The following CELF2 variants were observed in gnomAD, a reference collection of about 807,000 sequenced individuals.
The protein encoded by CELF2 is CUGBP Elav-like family member 2.
A neutral mutation model predicts 62.6 loss-of-function variants in CELF2; 8 were observed. That is an observed-to-expected ratio of 0.13 (90% CI 0.07 to 0.23). The LOEUF (loss-of-function observed/expected upper bound fraction) is 0.23, where lower values mean the gene tolerates loss of function less well. Ranked by LOEUF, CELF2 falls within the 10% of genes least tolerant of loss-of-function variation. The probability of loss-of-function intolerance (pLI) is 1.00; values close to 1 mark genes in which losing one functional copy is unlikely to be tolerated. For missense variants in CELF2, 333 were observed against 671.0 expected, an observed-to-expected ratio of 0.50 and a Z score of 5.56; for synonymous variants, 258 against 250.0, an observed-to-expected ratio of 1.03 and a Z score of -0.30.
At chr10:10,509,834 A>G in the CELF2 span, among the ~76,000 whole-genome samples, 2 of 152,288 alleles carry the variant, frequency 1.3e-5, no homozygotes, top group African/African-American at 4.8e-5. Flanking sequence ...CAGTACATTG[A>G]GGGTGAATTC....
the CELF2 span, among the ~76,000 whole-genome samples, chr10:10,705,793 AT>A: frequency 6.6e-6 from 1 of 152,214 alleles, no homozygotes; most frequent in Admixed American, 6.5e-5. Context: ...CAGGAGGCCC[AT>A]TCACCTGTAG....
chr10:10,551,039 T>C, the CELF2 span, among the ~76,000 whole-genome samples: 1 of 152,206 alleles, frequency 6.6e-6, no homozygotes, highest in African/African-American at 2.4e-5. Flanking sequence ...GTCTGAGCAC[T>C]TTATTTCCAC....
chr10:10,751,729 G>T, the CELF2 span, among the ~76,000 whole-genome samples: 1 of 152,068 alleles, frequency 6.6e-6, no homozygotes, highest in Admixed American at 6.5e-5. Flanking sequence ...CACAAATCTC[G>T]TACTGCTTTG....
At chr10:11,323,064 CTGAAACAACATGTTT>C in intron 11 of CELF2, among the ~76,000 whole-genome samples, 1 of 152,198 alleles carries the variant, frequency 6.6e-6, no homozygotes, top group South Asian at 2.1e-4. Context: ...AGTCTGGGCC[CTGAAACAACATGTTT>C]CGAAACAACA....
chr10:11,189,414 T>C (rs1032949492), intron 2 of CELF2, among the ~76,000 whole-genome samples: 1 of 152,260 alleles, frequency 6.6e-6, no homozygotes, highest in Non-Finnish European at 1.5e-5. Flanking sequence ...CTCTACCTTT[T>C]AATTGGAGTG....
In CELF2 at chr10:11,223,236, G is replaced by A. The variant is rs2065436874; in HGVS notation, c.354+5729G>A. On this transcript the variant is annotated intron_variant, in intron 3 of 12. Coordinates refer to ENST00000633077, the MANE Select transcript of CELF2 (RefSeq NM_001326342.2). The surrounding 1 kb of genome is among the most constrained non-coding windows in gnomAD (Gnocchi z 5.1). The stretch of plus-strand genomic sequence containing the variant: ...AGCATCCTCACAGTCAGGCCTGAGC[G>A]GGGCACTGCCTGAGGAGCTTCCTGA... Among the ~76,000 whole-genome samples the A allele has an allele frequency of 6.6e-6, 1 of 152,220 alleles. No homozygotes were observed. Among genetic ancestry groups the A allele is most frequent in the African/African-American group, 2.4e-5 (1 of 41,452 alleles).
intron 2 of CELF2, among the ~76,000 whole-genome samples, chr10:10,967,176 C>T (rs1393348961): frequency 2.0e-5 from 3 of 152,120 alleles, no homozygotes; most frequent in East Asian, 3.9e-4. Context: ...GGGAGGGAGG[C>T]ACAGAGACAG....
At chr10:11,304,803 C>T (rs1346903795) in intron 9 of CELF2, among the ~76,000 whole-genome samples, 4 of 152,204 alleles carry the variant, frequency 2.6e-5, no homozygotes, top group African/African-American at 7.2e-5. Flanking sequence ...ATAGCACATT[C>T]CATCTACAAT....
chr10:11,319,721 A>G lies in CELF2; in HGVS notation c.1097-1468A>G. 1 of 467,720 alleles carries G rather than the reference A, an allele frequency of 2.1e-6. No homozygotes were observed. The highest frequency in any genetic ancestry group is 4.4e-6 in the Non-Finnish European group (1 of 225,068). 29.0% of individuals were successfully genotyped at this position (467,720 alleles called of 1,614,324 possible). A position where few individuals can be genotyped will look rare whatever the true frequency, so the allele number is the denominator to read the frequency against. ...CCCCTGCTTGGTGTCTGTTCTGAGA[A>G]GCACAGGAATACCCGAGGTGAGGCA... On this transcript the variant is annotated intron_variant, in intron 10 of 12. Coordinates refer to ENST00000633077, the MANE Select transcript of CELF2 (RefSeq NM_001326342.2). This position sits in a 1 kb window ranked among gnomAD's most constrained non-coding sequence, Gnocchi z 4.4.
chr10:11,328,716 CCAGTCCAGCCA>C lies in CELF2; in HGVS notation c.1439-209_1439-199del, dbSNP rs1667248110. 6.6e-6 allele frequency among the ~76,000 whole-genome samples: 1 copy of C among 152,190 alleles called. No homozygotes were observed. Among genetic ancestry groups the C allele is most frequent in the South Asian group, 2.1e-4 (1 of 4,830 alleles). ...GTGTGTGCTCCATGATGCCACATTT[CCAGTCCAGCCA>C]GCTGCTCCACAGCTGCTCAGTGGGC... On this transcript the variant is annotated intron_variant, in intron 12 of 12. Transcript: ENST00000633077. This position sits in a 1 kb window ranked among gnomAD's most constrained non-coding sequence, Gnocchi z 6.4.
Position 11,165,255 on chromosome 10 carries a change from C to T in CELF2, c.75-231C>T, listed in dbSNP as rs556157327. On this transcript the variant is annotated intron_variant, in intron 1 of 12. Coordinates refer to ENST00000633077, the MANE Select transcript of CELF2 (RefSeq NM_001326342.2). The surrounding 1 kb of genome is among the most constrained non-coding windows in gnomAD (Gnocchi z 7.4). ...GGCGGCAGGGCGCTGCCCCGTGCTC[C>T]CCCGGCTCTGCTCGACAGCAGCACG... 42 of 1,371,302 alleles carry T rather than the reference C, an allele frequency of 3.1e-5. No homozygotes were observed. In the South Asian group the frequency reaches 4.1e-4, roughly 13 times the overall value. 84.9% of individuals were successfully genotyped at this position (1,371,302 alleles called of 1,614,324 possible).
At chr10:11,079,305 C>T (rs1233734196) in intron 1 of CELF2, among the ~76,000 whole-genome samples, 7 of 152,116 alleles carry the variant, frequency 4.6e-5, no homozygotes, top group Admixed American at 3.9e-4. Context: ...ATCTGTAGAC[C>T]TTGGTTTTAG....
intron 1 of CELF2, among the ~76,000 whole-genome samples, chr10:11,072,145 C>T (rs1413788554): frequency 2.6e-5 from 4 of 152,154 alleles, no homozygotes; most frequent in Non-Finnish European, 4.4e-5. Flanking sequence ...GAGCAACATT[C>T]TTTTGTCGTT....
the CELF2 span, among the ~76,000 whole-genome samples, chr10:10,642,020 G>T: frequency 6.6e-6 from 1 of 152,118 alleles, no homozygotes; most frequent in Admixed American, 6.5e-5. Flanking sequence ...TATTCTGAGT[G>T]CCTAGTGAGT....
At chr10:10,837,474 T>C (rs941199557) in intron 1 of CELF2, among the ~76,000 whole-genome samples, 1 of 152,236 alleles carries the variant, frequency 6.6e-6, no homozygotes, top group African/African-American at 2.4e-5. Flanking sequence ...ACAACTGCTG[T>C]GATCTTTTCA....
At position 10,928,890 on chromosome 10, in the gene CELF2, C is replaced by G. The variant is rs776379701; in HGVS notation, c.89+8891C>G. Among the ~76,000 whole-genome samples the G allele has an allele frequency of 2.6e-5, 4 of 151,978 alleles. No individual in the cohort carries two copies. The highest frequency in any genetic ancestry group is 2.1e-4 in the South Asian group (1 of 4,790). On this transcript the variant is annotated intron_variant, in intron 2 of 13. Transcript: ENST00000636488. The surrounding 1 kb of genome is among the most constrained non-coding windows in gnomAD (Gnocchi z 4.8). ...AGCAGTGCCTGGAACATAGTAGGCA[C>G]GAATAAATATTTGCATAAGTGTTTG...
chr10:11,017,907 C>T lies in CELF2; in HGVS notation c.-183C>T, dbSNP rs2057519319. ...GCCGCACCTGGCGCTCGGCAGCCGG[C>T]CGCCCCGGCGCTGGATTTCGGAGGG... is the stretch of plus-strand genomic sequence containing the variant. On this transcript the variant is annotated 5_prime_UTR_variant, in exon 1 of 13. Coordinates refer to ENST00000633077, the MANE Select transcript of CELF2 (RefSeq NM_001326342.2). This position sits in a 1 kb window ranked among gnomAD's most constrained non-coding sequence, Gnocchi z 5.5. 2 of 975,024 alleles carry T rather than the reference C, an allele frequency of 2.1e-6. No homozygotes were observed. The highest frequency in any genetic ancestry group is 1.8e-5 in the African/African-American group (1 of 56,600). The allele number at this position is 975,024 out of a possible 1,614,324, so 60.4% of individuals were successfully genotyped here.
At chr10:11,317,683 A>C (rs2095126245) in intron 10 of CELF2, 1 of 152,234 alleles carries the variant, frequency 6.6e-6, no homozygotes, top group Non-Finnish European at 1.5e-5. Flanking sequence ...AACAAAAGAC[A>C]TTCACGCTCA....
chr10:10,662,063 C>T, the CELF2 span, among the ~76,000 whole-genome samples: 3 of 151,984 alleles, frequency 2.0e-5, no homozygotes, highest in Non-Finnish European at 4.4e-5. Flanking sequence ...GGGAAAGTCC[C>T]TGGAGAGGAG....
Sources: gnomAD v4.1 joint callset for allele counts (sites outside exome capture counted in the v4.1 genomes callset) on GRCh38, gnomAD v4.1.1 for gene constraint, Gnocchi (gnomAD v3.1) non-coding constraint, MANE v1.5 for transcripts, NCBI Gene and HGNC (gene_info 2026-07-23, HGNC 2026-07-21) for gene names.